Variants in LAMA2 observed in about 807,000 individuals in gnomAD.
LAMA2 encodes laminin subunit alpha-2.
LAMA2 carries 269 observed loss-of-function variants against 364.8 expected under a neutral mutation model. The ratio of observed to expected loss-of-function variants is 0.74; its 90% CI spans 0.67 to 0.82. The LOEUF (loss-of-function observed/expected upper bound fraction) is 0.82, where lower values mean the gene tolerates loss of function less well. LAMA2 is among the 40% of genes least tolerant of loss of function. LAMA2 has a pLI of 0.00. For synonymous variants in LAMA2, 1,379 were observed against 1,370.6 expected (o/e 1.01, Z -0.14); for missense variants, 3,807 against 3,873.2 (o/e 0.98, Z 0.45).
intron 24 of LAMA2, 48 bp from the exon 25 acceptor site, chr6:129,315,428 T>A (rs769646874): frequency 6.5e-7 from 1 of 1,548,158 alleles, no homozygotes; most frequent in Non-Finnish European, 8.9e-7. Context: ...TTTAAAGAAA[T>A]GTCCAAAGCG....
chr6:128,984,873 T>C (rs911421826), intron 1 of LAMA2, among the ~76,000 whole-genome samples: 14 of 152,208 alleles, frequency 9.2e-5, no homozygotes, highest in African/African-American at 3.4e-4. Flanking sequence ...ATCACTTCAC[T>C]GCGTTGAATC....
chr6:129,332,590 A>G (rs994206902), intron 29 of LAMA2, among the ~76,000 whole-genome samples: 1 of 152,158 alleles, frequency 6.6e-6, no homozygotes, highest in South Asian at 2.1e-4. Flanking sequence ...TGCTATATTT[A>G]CACTAGTCAC....
intron 1 of LAMA2, among the ~76,000 whole-genome samples, chr6:128,922,501 G>A (rs1448453088): frequency 1.3e-5 from 2 of 151,410 alleles, no homozygotes; most frequent in Non-Finnish European, 2.9e-5. Context: ...CTGCATAAAT[G>A]TCTTCTTTTG....
intron 1 of LAMA2, among the ~76,000 whole-genome samples, chr6:129,045,667 CTTTA>C (rs1465029486): frequency 1.3e-5 from 2 of 151,242 alleles, no homozygotes; most frequent in Non-Finnish European, 2.9e-5. Context: ...CTTTTGCTCT[CTTTA>C]TTTATTTAAT....
intron 19 of LAMA2, 114 bp from the exon 20 acceptor site, chr6:129,291,497 ACAT>A: frequency 1.3e-6 from 1 of 751,860 alleles, no homozygotes; most frequent in Non-Finnish European, 2.4e-6. Flanking sequence ...AAATCAGAAA[ACAT>A]TCTGTTACTG....
At position 129,258,827 on chromosome 6, in the gene LAMA2, A is replaced by G. The variant is rs1223676488; in HGVS notation, c.2097-1884A>G. Among the ~76,000 whole-genome samples, 3 of 152,028 alleles carry G rather than the reference A, an allele frequency of 2.0e-5. 1 individual carries two copies. Among genetic ancestry groups the G allele is most frequent in the African/African-American group, 7.2e-5 (3 of 41,430 alleles). On this transcript the variant is annotated intron_variant, in intron 14 of 64. Coordinates refer to ENST00000421865, the MANE Select transcript of LAMA2 (RefSeq NM_000426.4). ...CAGGGTTCCTCAGTGAGGGGGGAAA[A>G]AAGCATTTAATGATTTTCAAATGAC...
At chr6:129,375,049 T>C (rs1410528860) in intron 34 of LAMA2, among the ~76,000 whole-genome samples, 1 of 152,086 alleles carries the variant, frequency 6.6e-6, no homozygotes, top group African/African-American at 2.4e-5. Context: ...ACTCATTGTT[T>C]TTAAATGGAG....
chr6:129,177,780 A>G lies in LAMA2; in HGVS notation c.1381A>G (p.Thr461Ala), dbSNP rs553518581. The change falls in exon 10 of 65, where the codon ACT becomes GCT. Residue 461 changes from threonine (T) to alanine (A), a missense_variant. By Grantham distance (58) the Thr-to-Ala change is moderately conservative (BLOSUM62 0). Around this residue, in one of 3 missense-constraint regions of LAMA2, gnomAD observed 3,333 missense variants for 3,345.7 expected, o/e 1.00. Coordinates refer to ENST00000421865, the MANE Select transcript of LAMA2 (RefSeq NM_000426.4). ...CTGTGATCGGTGTGCCAGGGGCTAC[A>G]CTGGCTACCCGGACTGCAAAGCCTG... ...VSCDRCARGY[T>A]GYPDCKACNC... The G allele has an allele frequency of 1.2e-6, 2 of 1,613,862 alleles. No homozygotes were observed. Among genetic ancestry groups the G allele is most frequent in the East Asian group, 2.2e-5 (1 of 44,876 alleles).
chr6:129,245,942 T>C (rs752603890), intron 12 of LAMA2, among the ~76,000 whole-genome samples: 26 of 152,200 alleles, frequency 1.7e-4, no homozygotes, highest in Non-Finnish European at 2.4e-4. Context: ...AGAATGTTCA[T>C]AGCGTATTCA....
chr6:129,430,339 C>T (rs1467403817), intron 41 of LAMA2, among the ~76,000 whole-genome samples: 1 of 152,180 alleles, frequency 6.6e-6, no homozygotes, highest in Non-Finnish European at 1.5e-5. Context: ...TGGTTCAATT[C>T]AGTACAGTTC....
intron 1 of LAMA2, among the ~76,000 whole-genome samples, chr6:128,959,238 T>C (rs1034342203): frequency 2.6e-5 from 4 of 152,238 alleles, no homozygotes; most frequent in African/African-American, 4.8e-5. Flanking sequence ...GGAAATCTAT[T>C]AATTGATGAT....
At chr6:129,482,041 C>T (rs1476947147) in intron 55 of LAMA2, among the ~76,000 whole-genome samples, 1 of 152,110 alleles carries the variant, frequency 6.6e-6, no homozygotes, top group Non-Finnish European at 1.5e-5. Flanking sequence ...TGTAGTGGCC[C>T]ATGTCTGTAA....
Position 129,314,690 on chromosome 6 carries a change from G to A in LAMA2, c.3447G>A (p.Arg1149=), listed in dbSNP as rs1554269500. The part of the protein sequence containing the change: ...NVEGIHCDRC[R]PGKFGLDAKN... ...AAGGCATCCACTGTGACAGATGCCG[G>A]CCTGGCAAATTCGGACTCGATGCCA... is the stretch of plus-strand genomic sequence containing the variant. Residue 1149 remains arginine, a synonymous_variant, in exon 24 of 65, where the codon CGG becomes CGA. Transcript: ENST00000421865. 1 of 1,613,754 alleles carries A rather than the reference G, an allele frequency of 6.2e-7. No individual in the cohort carries two copies.
intron 28 of LAMA2, among the ~76,000 whole-genome samples, chr6:129,324,523 T>C (rs1411240947): frequency 5.9e-5 from 9 of 152,226 alleles, no homozygotes; most frequent in Admixed American, 5.9e-4. Context: ...TATGCAGTCA[T>C]GTGCTGCTTA....
intron 1 of LAMA2, among the ~76,000 whole-genome samples, chr6:128,996,202 C>T (rs562201892): frequency 1.3e-4 from 20 of 152,094 alleles, no homozygotes; most frequent in African/African-American, 3.6e-4. Context: ...TGACATCTTG[C>T]CAGAGACAGG....
chr6:129,034,927 T>C (rs1329972120), intron 1 of LAMA2, among the ~76,000 whole-genome samples: 1 of 152,206 alleles, frequency 6.6e-6, no homozygotes, highest in Non-Finnish European at 1.5e-5. Context: ...CTATTGTGAA[T>C]AGTGCTGCAA....
chr6:128,979,137 T>A (rs1459929545), intron 1 of LAMA2, among the ~76,000 whole-genome samples: 2 of 152,150 alleles, frequency 1.3e-5, no homozygotes, highest in Non-Finnish European at 2.9e-5. Context: ...GGTGATATGG[T>A]CTCTGTTGCA....
intron 58 of LAMA2, among the ~76,000 whole-genome samples, chr6:129,499,196 T>C (rs544624002): frequency 3.0e-4 from 46 of 152,168 alleles, no homozygotes; most frequent in Non-Finnish European, 5.1e-4. Flanking sequence ...TCTAGTACTT[T>C]AAAAAGTCCC....
intron 62 of LAMA2, among the ~76,000 whole-genome samples, chr6:129,509,639 C>A (rs1786408901): frequency 6.6e-6 from 1 of 151,966 alleles, no homozygotes; most frequent in Admixed American, 6.6e-5. Flanking sequence ...GTTCTTAGAA[C>A]CTTTATGGAA....
Sources: gnomAD v4.1 joint callset for allele counts (sites outside exome capture counted in the v4.1 genomes callset) on GRCh38, gnomAD v4.1.1 for gene constraint, gnomAD v4.1.1 regional missense constraint, MANE v1.5 for transcripts, NCBI Gene and HGNC (gene_info 2026-07-23, HGNC 2026-07-21) for gene names.